SGSM1: variants seen among roughly 807,000 people sequenced by gnomAD.
SGSM1 encodes RUN and TBC1 domain containing 2.
SGSM1 carries 73 observed loss-of-function variants against 133.8 expected under a neutral mutation model. The observed-to-expected ratio is 0.55, with a 90% CI of 0.45 to 0.66. The LOEUF is 0.66. SGSM1 is among the 30% of genes least tolerant of loss of function. The probability of loss-of-function intolerance (pLI) is 0.00; values close to 1 mark genes in which losing one functional copy is unlikely to be tolerated. For missense variants in SGSM1, 1,213 were observed against 1,448.1 expected (o/e 0.84, Z 2.64); for synonymous variants, 563 against 573.0 (o/e 0.98, Z 0.25).
intron 2 of SGSM1, among the ~76,000 whole-genome samples, chr22:24,813,117 C>T (rs964265463): frequency 2.0e-5 from 3 of 152,138 alleles, no homozygotes; most frequent in Admixed American, 2.0e-4. Context: ...TCAACATCTA[C>T]AGGAAGTGTG....
chr22:24,807,166 T>C (rs1280207121), intron 2 of SGSM1, among the ~76,000 whole-genome samples: 1 of 152,040 alleles, frequency 6.6e-6, no homozygotes, highest in Non-Finnish European at 1.5e-5. Flanking sequence ...GGGGGCAGTC[T>C]AGTCTTTAGG....
intron 11 of SGSM1, 59 bp downstream of exon 11, chr22:24,868,598 GT>G: frequency 6.2e-7 from 1 of 1,612,070 alleles, no homozygotes; most frequent in South Asian, 1.1e-5. Flanking sequence ...GAGGGTGGTT[GT>G]TTTTGCCTGT....
At chr22:24,835,939 TACCATATGCACATTTTA>T (rs1929402134) in intron 2 of SGSM1, among the ~76,000 whole-genome samples, 1 of 152,204 alleles carries the variant, frequency 6.6e-6, no homozygotes, top group Non-Finnish European at 1.5e-5. Context: ...TGTGAACATA[TACCATATGCACATTTTA>T]AAATGGTAAA....
chr22:24,806,583 G>C, intron 2 of SGSM1, 99 bp downstream of exon 2: 1 of 1,397,344 alleles, frequency 7.2e-7, no homozygotes. Context: ...GCGGCGGGGG[G>C]GCGGCCAGAA....
intron 21 of SGSM1, 41 bp downstream of exon 21, chr22:24,905,228 C>T: frequency 6.4e-7 from 1 of 1,563,346 alleles, no homozygotes; most frequent in Non-Finnish European, 8.8e-7. Context: ...GGGTGCATTT[C>T]CTTTCCACTG....
At chr22:24,828,177 A>T (rs1359206658) in intron 2 of SGSM1, among the ~76,000 whole-genome samples, 1 of 151,870 alleles carries the variant, frequency 6.6e-6, no homozygotes, top group African/African-American at 2.4e-5. Flanking sequence ...TTTTCAGATG[A>T]CCCAGTACTG....
chr22:24,854,926 A>C, intron 5 of SGSM1, 70 bp from the exon 6 acceptor site: 1 of 1,277,266 alleles, frequency 7.8e-7, no homozygotes, highest in Non-Finnish European at 1.1e-6. Context: ...TGGGGATTGA[A>C]CTCTCATCTG....
At chr22:24,845,801 C>T (rs528421870) in intron 3 of SGSM1, among the ~76,000 whole-genome samples, 3 of 151,840 alleles carry the variant, frequency 2.0e-5, no homozygotes, top group South Asian at 2.1e-4. Context: ...CTCTCTTCAG[C>T]CAGGCAGACC....
chr22:24,850,249 T>G, intron 4 of SGSM1, 31 bp from the exon 5 acceptor site: 3 of 1,540,530 alleles, frequency 1.9e-6, no homozygotes, highest in Non-Finnish European at 2.6e-6. Flanking sequence ...CTCTTGTGAG[T>G]ATCTATTCCC....
chr22:24,907,716 A>C (rs1426404751), intron 21 of SGSM1, among the ~76,000 whole-genome samples: 1 of 151,786 alleles, frequency 6.6e-6, no homozygotes, highest in Non-Finnish European at 1.5e-5. Context: ...CGAGGTCAGG[A>C]GATCGAGACC....
At position 24,879,439 on chromosome 22, in the gene SGSM1, T is replaced by A. The variant is rs758303009; in HGVS notation, c.1431-23T>A. On this transcript the variant is annotated intron_variant, in intron 13 of 24. Transcript: ENST00000400358. ...GCTGTGTTTGGATCTATTCTAAGCA[T>A]CTCCCTCTTTCTCCACCTGCAGGGC... 4.3e-6 allele frequency: 7 copies of A among 1,612,352 alleles called. No individual in the cohort carries two copies. In the East Asian group the frequency reaches 1.6e-4, roughly 36 times the overall value.
chr22:24,901,772 G>T (rs1933168050), intron 19 of SGSM1, 61 bp from the exon 20 acceptor site: 1 of 1,576,308 alleles, frequency 6.3e-7, no homozygotes, highest in African/African-American at 1.4e-5. Flanking sequence ...CTGCTTTCCA[G>T]TGGGGACTTA....
chr22:24,826,779 C>T lies in SGSM1; in HGVS notation c.64-18118C>T, dbSNP rs570265116. On this transcript the variant is annotated intron_variant, in intron 2 of 24. Coordinates refer to ENST00000400358, the MANE Select transcript of SGSM1 (RefSeq NM_001098497.3). ...ACCACAGAATGGAGTGAGGACGTGG[C>T]TTTCTGGGGGCTACCTCTTTTCCAG... Among the ~76,000 whole-genome samples, 22 of 152,180 alleles carry T rather than the reference C, an allele frequency of 1.4e-4. No homozygotes were observed. The South Asian group carries it at 4.2e-3, about 29-fold the overall frequency.
At chr22:24,841,243 ACT>A (rs1267270852) in intron 2 of SGSM1, among the ~76,000 whole-genome samples, 2 of 151,352 alleles carry the variant, frequency 1.3e-5, no homozygotes, top group Non-Finnish European at 2.9e-5. Flanking sequence ...ACTGTTTATG[ACT>A]CTTATTTGTG....
At chr22:24,894,106 G>A (rs926976394) in intron 17 of SGSM1, among the ~76,000 whole-genome samples, 1 of 152,172 alleles carries the variant, frequency 6.6e-6, no homozygotes, top group Non-Finnish European at 1.5e-5. Flanking sequence ...GTAAAAAGTA[G>A]GATCTCACCA....
intron 14 of SGSM1, among the ~76,000 whole-genome samples, chr22:24,882,117 C>A (rs752403256): frequency 6.6e-6 from 1 of 151,966 alleles, no homozygotes; most frequent in Admixed American, 6.6e-5. Flanking sequence ...GCCTTGTCAC[C>A]CCGGCTAGAC....
intron 16 of SGSM1, among the ~76,000 whole-genome samples, chr22:24,890,938 C>T (rs1193508394): frequency 6.6e-6 from 1 of 152,130 alleles, no homozygotes; most frequent in Non-Finnish European, 1.5e-5. Flanking sequence ...AAGATTTATA[C>T]AACTTATTTT....
At chr22:24,846,570 A>C (rs1393235466) in intron 3 of SGSM1, among the ~76,000 whole-genome samples, 1 of 152,188 alleles carries the variant, frequency 6.6e-6, no homozygotes, top group African/African-American at 2.4e-5. Flanking sequence ...TCTACTCAAA[A>C]GTATTTGGGT....
chr22:24,879,979 A>G (rs1932238884), intron 14 of SGSM1, among the ~76,000 whole-genome samples: 1 of 152,306 alleles, frequency 6.6e-6, no homozygotes, highest in Middle Eastern at 3.4e-3. Context: ...TATTAAATTC[A>G]TAATACTTGT....
Sources: allele counts gnomAD v4.1 joint callset (sites outside exome capture counted in the v4.1 genomes callset), GRCh38; gene constraint gnomAD v4.1.1; transcripts MANE v1.5; gene names NCBI Gene and HGNC (gene_info 2026-07-23, HGNC 2026-07-21).